FHIT: variants seen among roughly 807,000 people sequenced by gnomAD.
FHIT encodes the protein fragile histidine triad diadenosine triphosphatase, also known as bis(5'-adenosyl)-triphosphatase.
A neutral mutation model predicts 17.9 loss-of-function variants in FHIT; 19 were observed. That is an observed-to-expected ratio of 1.06 (90% CI 0.74 to 1.56). FHIT has a LOEUF of 1.56. Among genes scored for constraint, FHIT ranks in the 40% most tolerant of loss-of-function variants. The pLI, the probability that FHIT is intolerant of heterozygous loss-of-function variation, is 0.00. For missense variants in FHIT, 248 were observed against 189.2 expected, an observed-to-expected ratio of 1.31 and a Z score of -1.82; for synonymous variants, 81 against 69.7, an observed-to-expected ratio of 1.16 and a Z score of -0.81.
chr3:59,858,684 T>C (rs1172548401), intron 8 of FHIT, among the ~76,000 whole-genome samples: 2 of 151,966 alleles, frequency 1.3e-5, no homozygotes. Context: ...GTGGTGTTTC[T>C]AGTGTGTGAG....
intron 4 of FHIT, among the ~76,000 whole-genome samples, chr3:60,625,283 C>A (rs781915130): frequency 6.6e-6 from 1 of 152,146 alleles, no homozygotes; most frequent in African/African-American, 2.4e-5. Flanking sequence ...CATATGTTTT[C>A]ATTTCTCTTG....
intron 2 of FHIT, among the ~76,000 whole-genome samples, chr3:61,142,456 G>A (rs1450794282): frequency 6.9e-6 from 1 of 144,504 alleles, no homozygotes; most frequent in Non-Finnish European, 1.6e-5. Context: ...CACTGAGGTG[G>A]GAAAAAGATA....
At chr3:60,075,667 C>T (rs1228098511) in intron 5 of FHIT, among the ~76,000 whole-genome samples, 1 of 151,914 alleles carries the variant, frequency 6.6e-6, no homozygotes, top group African/African-American at 2.4e-5. Flanking sequence ...ATTCCCCAGA[C>T]TAATAGGAAT....
chr3:60,380,173 G>A (rs773163581), intron 5 of FHIT, among the ~76,000 whole-genome samples: 1 of 152,162 alleles, frequency 6.6e-6, no homozygotes, highest in African/African-American at 2.4e-5. Flanking sequence ...GGAGGTTTTA[G>A]GTCATGGGGG....
chr3:60,374,658 A>G (rs1700470493), intron 5 of FHIT, among the ~76,000 whole-genome samples: 2 of 151,320 alleles, frequency 1.3e-5, no homozygotes, highest in Non-Finnish European at 2.9e-5. Context: ...AAGGACTTCA[A>G]GCGTGGAGCT....
intron 4 of FHIT, among the ~76,000 whole-genome samples, chr3:60,705,530 T>G (rs1322203502): frequency 6.6e-6 from 1 of 152,212 alleles, no homozygotes; most frequent in Non-Finnish European, 1.5e-5. Flanking sequence ...GCAATTCTAT[T>G]GAATTCGGGT....
At chr3:60,048,341 T>C (rs1408798089) in intron 5 of FHIT, among the ~76,000 whole-genome samples, 1 of 152,090 alleles carries the variant, frequency 6.6e-6, no homozygotes, top group African/African-American at 2.4e-5. Context: ...CACGCTTCCC[T>C]AATTTTTTGT....
chr3:60,641,139 C>A (rs1187086600), intron 4 of FHIT, among the ~76,000 whole-genome samples: 6 of 151,980 alleles, frequency 3.9e-5, no homozygotes, highest in Non-Finnish European at 5.9e-5. Context: ...AAGATTATGC[C>A]ATTGCACTCC....
intron 3 of FHIT, among the ~76,000 whole-genome samples, chr3:61,038,924 C>T (rs984217015): frequency 6.6e-6 from 1 of 152,128 alleles, no homozygotes; most frequent in African/African-American, 2.4e-5. Context: ...TGTGGGCCTT[C>T]ATAAGCCATG....
At chr3:59,979,196 T>C (rs796292823) in intron 7 of FHIT, among the ~76,000 whole-genome samples, 26 of 152,222 alleles carry the variant, frequency 1.7e-4, no homozygotes, top group African/African-American at 5.8e-4. Context: ...AAATCAGCTC[T>C]CAGAAGCAGC....
At chr3:60,027,133 ACACACACACAC>A (rs1257503572) in intron 5 of FHIT, among the ~76,000 whole-genome samples, 5 of 133,334 alleles carry the variant, frequency 3.7e-5, no homozygotes, top group African/African-American at 1.5e-4. Flanking sequence ...ACACACACAC[ACACACACACAC>A]ACACAAAATT....
intron 4 of FHIT, among the ~76,000 whole-genome samples, chr3:60,599,880 A>G (rs1027741649): frequency 2.0e-5 from 3 of 152,096 alleles, no homozygotes; most frequent in Non-Finnish European, 4.4e-5. Flanking sequence ...TTTAGACCAC[A>G]TAATTCTTTG....
At chr3:59,762,005 A>C (rs1361106779) in intron 8 of FHIT, among the ~76,000 whole-genome samples, 2 of 152,118 alleles carry the variant, frequency 1.3e-5, no homozygotes, top group African/African-American at 4.8e-5. Context: ...TGCCAGCATC[A>C]CTACTCTTAT....
intron 8 of FHIT, among the ~76,000 whole-genome samples, chr3:59,881,102 C>T (rs758659803): frequency 1.3e-5 from 2 of 152,156 alleles, no homozygotes; most frequent in Admixed American, 6.5e-5. Context: ...TGGGCAATGA[C>T]GCTGTACCTT....
chr3:60,422,680 G>GA (rs1702522323), intron 5 of FHIT, among the ~76,000 whole-genome samples: 1 of 152,024 alleles, frequency 6.6e-6, no homozygotes, highest in Admixed American at 6.6e-5. Context: ...TCGTAATGGA[G>GA]AAAAAAGACT....
chr3:59,847,241 A>G (rs1369394948), intron 8 of FHIT, among the ~76,000 whole-genome samples: 3 of 152,036 alleles, frequency 2.0e-5, no homozygotes, highest in Non-Finnish European at 4.4e-5. Context: ...ATGGTGTACC[A>G]CAGGTCCCTT....
chr3:60,514,326 G>A (rs113948633), intron 5 of FHIT, among the ~76,000 whole-genome samples: 14 of 152,360 alleles, frequency 9.2e-5, no homozygotes, highest in Admixed American at 2.0e-4. Context: ...TTCTGCTGGA[G>A]AGAAGCAGCC....
At chr3:60,292,960 T>C (rs916246501) in intron 5 of FHIT, among the ~76,000 whole-genome samples, 1 of 152,188 alleles carries the variant, frequency 6.6e-6, no homozygotes, top group African/African-American at 2.4e-5. Flanking sequence ...TTACAAACTA[T>C]TGAATTGAAA....
At chr3:61,201,521 A>T (rs2039012487) in intron 1 of FHIT, among the ~76,000 whole-genome samples, 1 of 152,134 alleles carries the variant, frequency 6.6e-6, no homozygotes. Flanking sequence ...GCTACACCAC[A>T]GCTTTTCCAT....
Sources: allele counts gnomAD v4.1 joint callset (sites outside exome capture counted in the v4.1 genomes callset), GRCh38; gene constraint gnomAD v4.1.1; transcripts MANE v1.5; gene names NCBI Gene and HGNC (gene_info 2026-07-23, HGNC 2026-07-21).